PLCB1: variants seen among roughly 807,000 people sequenced by gnomAD.
The protein encoded by PLCB1 is phospholipase C beta 1, also known as 1-phosphatidylinositol 4,5-bisphosphate phosphodiesterase beta-1.
PLCB1 carries 46 observed loss-of-function variants against 161.8 expected under a neutral mutation model. The ratio of observed to expected loss-of-function variants is 0.28; its 90% CI spans 0.22 to 0.36. The LOEUF is 0.36. Ranked by LOEUF, PLCB1 falls within the 10% of genes least tolerant of loss-of-function variation. The pLI, the probability that PLCB1 is intolerant of heterozygous loss-of-function variation, is 1.00. For synonymous variants in PLCB1, 517 were observed against 503.7 expected (o/e 1.03, Z -0.35); for missense variants, 1,016 against 1,472.5 (o/e 0.69, Z 5.07).
intron 2 of PLCB1, among the ~76,000 whole-genome samples, chr20:8,297,258 G>A (rs868656621): frequency 6.6e-6 from 1 of 151,932 alleles, no homozygotes; most frequent in African/African-American, 2.4e-5. Context: ...AGTATAAAAT[G>A]TACGTATAAA....
At chr20:8,188,854 C>G (rs1002829065) in intron 2 of PLCB1, among the ~76,000 whole-genome samples, 6 of 152,034 alleles carry the variant, frequency 3.9e-5, no homozygotes, top group African/African-American at 1.2e-4. Flanking sequence ...AGAATTCTTA[C>G]AGTATTGTGT....
chr20:8,515,741 G>T (rs2423359), intron 3 of PLCB1, among the ~76,000 whole-genome samples: 32,732 of 152,056 alleles, frequency 0.22, 4,292 homozygotes, highest in Middle Eastern at 0.33. Context: ...ACACCCCAAA[G>T]CATAGTGGCT....
intron 3 of PLCB1, among the ~76,000 whole-genome samples, chr20:8,479,538 T>A (rs966767224): frequency 4.6e-5 from 7 of 152,246 alleles, no homozygotes; most frequent in African/African-American, 1.7e-4. Flanking sequence ...AGAGTCACAA[T>A]TCTTAATAGA....
intron 4 of PLCB1, among the ~76,000 whole-genome samples, chr20:8,636,606 C>T (rs1875859732): frequency 6.6e-6 from 1 of 152,218 alleles, no homozygotes; most frequent in Admixed American, 6.5e-5. Flanking sequence ...CTCCCTTACA[C>T]ACACAGAAGC....
chr20:8,282,699 A>T (rs1982928407), intron 2 of PLCB1, among the ~76,000 whole-genome samples: 1 of 152,202 alleles, frequency 6.6e-6, no homozygotes, highest in Admixed American at 6.6e-5. Flanking sequence ...AGGGGTTGGT[A>T]GATGTTTTTC....
At chr20:8,418,388 G>A (rs1031877231) in intron 3 of PLCB1, among the ~76,000 whole-genome samples, 2 of 152,194 alleles carry the variant, frequency 1.3e-5, no homozygotes, top group South Asian at 4.2e-4. Flanking sequence ...ATCACTCACT[G>A]GGCGATGTGT....
chr20:8,750,832 G>C, intron 23 of PLCB1: 1 of 1,364,636 alleles, frequency 7.3e-7, no homozygotes, highest in South Asian at 1.1e-5. Flanking sequence ...GAAATTATGA[G>C]ACTCACCCGT....
At position 8,802,265 on chromosome 20, in the gene PLCB1, A is replaced by AT. The variant is rs139626006; in HGVS notation, c.3423+12005dup. On this transcript the variant is annotated intron_variant, in intron 31 of 31. Coordinates refer to ENST00000338037, the MANE Select transcript of PLCB1 (RefSeq NM_015192.4). ...TCACGGACTTGCTCGTTTGTCCTTCATCCTCCCTTTCTCTACATTCCCATC... is the reference window on the plus strand; with the variant it reads ...TCACGGACTTGCTCGTTTGTCCTTCATTCCTCCCTTTCTCTACATTCCCATC... 0.039 allele frequency: 25,766 copies of AT among 657,330 alleles called. 1,656 individuals are homozygous for AT. The highest frequency in any genetic ancestry group is 0.19 in the South Asian group (9,838 of 52,546). The allele number at this position is 657,330 out of a possible 1,614,324, so 40.7% of individuals were successfully genotyped here.
At chr20:8,414,420 A>C (rs1979182371) in intron 3 of PLCB1, among the ~76,000 whole-genome samples, 1 of 152,334 alleles carries the variant, frequency 6.6e-6, no homozygotes, top group East Asian at 1.9e-4. Flanking sequence ...TGACCCATGG[A>C]ATTTCAACCA....
chr20:8,289,334 C>A (rs1600289839), intron 2 of PLCB1, among the ~76,000 whole-genome samples: 2 of 152,262 alleles, frequency 1.3e-5, no homozygotes, highest in Admixed American at 1.3e-4. Context: ...TGTTAAAATG[C>A]AGACTCTTTC....
At chr20:8,221,834 C>T (rs937569317) in intron 2 of PLCB1, among the ~76,000 whole-genome samples, 5 of 152,232 alleles carry the variant, frequency 3.3e-5, no homozygotes, top group African/African-American at 9.6e-5. Context: ...TTCCATAGCC[C>T]TGTACATTTA....
chr20:8,621,953 A>C (rs1430447070), intron 3 of PLCB1, among the ~76,000 whole-genome samples: 1 of 152,204 alleles, frequency 6.6e-6, no homozygotes, highest in African/African-American at 2.4e-5. Flanking sequence ...CACAGTCACT[A>C]ATTAGAAGAA....
chr20:8,717,753 C>T lies in PLCB1; in HGVS notation c.1418C>T (p.Ser473Leu). ...LVKNKKKSHK[S>L]SEGSGKKKLS... ...AAAAATAAGAAGAAATCACACAAGT[C>T]ATCAGAAGGAAGCGGCAAAAAGAAG... is the stretch of plus-strand genomic sequence containing the variant. Residue 473 changes from serine (S) to leucine (L), a missense_variant, in exon 14 of 32, where the codon TCA becomes TTA. Ser to Leu is a moderately radical substitution (Grantham distance 145). Transcript: ENST00000338037. The T allele has an allele frequency of 6.2e-7, 1 of 1,613,618 alleles. No homozygotes were observed. Among genetic ancestry groups the T allele is most frequent in the Non-Finnish European group, 8.5e-7 (1 of 1,179,676 alleles).
intron 3 of PLCB1, among the ~76,000 whole-genome samples, chr20:8,423,757 A>G (rs907533106): frequency 6.6e-5 from 10 of 152,162 alleles, no homozygotes; most frequent in Non-Finnish European, 1.0e-4. Flanking sequence ...CAAATTAACA[A>G]CAGACTAGTT....
chr20:8,488,026 T>G (rs1982802888), intron 3 of PLCB1, among the ~76,000 whole-genome samples: 1 of 152,198 alleles, frequency 6.6e-6, no homozygotes, highest in African/African-American at 2.4e-5. Flanking sequence ...CTAGAAAGTT[T>G]ACATGGATTC....
intron 2 of PLCB1, among the ~76,000 whole-genome samples, chr20:8,260,744 G>A (rs545308973): frequency 3.3e-5 from 5 of 152,078 alleles, no homozygotes; most frequent in Non-Finnish European, 5.9e-5. Flanking sequence ...AGCTCTTGTG[G>A]GAGCGTGGTT....
intron 2 of PLCB1, among the ~76,000 whole-genome samples, chr20:8,249,296 T>C (rs960940740): frequency 4.0e-4 from 61 of 152,090 alleles, no homozygotes; most frequent in African/African-American, 1.4e-3. Context: ...ATGATCTATT[T>C]TAAGGTGTAA....
At chr20:8,709,149 G>A (rs911883010) in intron 12 of PLCB1, among the ~76,000 whole-genome samples, 5 of 152,094 alleles carry the variant, frequency 3.3e-5, no homozygotes, top group Admixed American at 6.6e-5. Context: ...CAGGTGGGGG[G>A]AGAGCTGTGA....
intron 3 of PLCB1, among the ~76,000 whole-genome samples, chr20:8,432,922 G>A (rs928195025): frequency 1.3e-5 from 2 of 152,156 alleles, no homozygotes; most frequent in African/African-American, 2.4e-5. Context: ...AGTGGCGCCC[G>A]TGGGATTGTG....
Sources: allele counts gnomAD v4.1 joint callset (sites outside exome capture counted in the v4.1 genomes callset), GRCh38; gene constraint gnomAD v4.1.1; transcripts MANE v1.5; gene names NCBI Gene and HGNC (gene_info 2026-07-23, HGNC 2026-07-21).